CNIH3: variants seen among roughly 807,000 people sequenced by gnomAD.
The protein encoded by CNIH3 is protein cornichon homolog 3.
Under a neutral mutation model 24.1 loss-of-function variants are expected in CNIH3, and 14 were observed. The ratio of observed to expected loss-of-function variants is 0.58; its 90% CI spans 0.38 to 0.91. The LOEUF (loss-of-function observed/expected upper bound fraction) is 0.91. CNIH3 is among the 40% of genes least tolerant of loss of function. The pLI, the probability that CNIH3 is intolerant of heterozygous loss-of-function variation, is 0.00. For missense variants in CNIH3, 178 were observed against 196.8 expected (o/e 0.90, Z 0.57); for synonymous variants, 68 against 73.8 (o/e 0.92, Z 0.40).
intron 3 of CNIH3, among the ~76,000 whole-genome samples, chr1:224,688,681 C>T (rs1241113513): frequency 6.6e-6 from 1 of 152,128 alleles, no homozygotes; most frequent in East Asian, 1.9e-4. Context: ...GGCGCGGTGG[C>T]TCACATCTGT....
chr1:224,557,644 A>G (rs1680198149), intron 3 of CNIH3, among the ~76,000 whole-genome samples: 1 of 152,084 alleles, frequency 6.6e-6, no homozygotes, highest in South Asian at 2.1e-4. Flanking sequence ...TTTAGTAGAG[A>G]GGGGGTTTTG....
chr1:224,571,931 A>G (rs774743693), intron 4 of CNIH3, among the ~76,000 whole-genome samples: 28 of 152,176 alleles, frequency 1.8e-4, no homozygotes, highest in Non-Finnish European at 3.2e-4. Flanking sequence ...GCAAGCAGGC[A>G]TGAGTTCCAT....
chr1:224,488,689 A>T (rs1677127211), intron 1 of CNIH3, among the ~76,000 whole-genome samples: 1 of 152,194 alleles, frequency 6.6e-6, no homozygotes, highest in Non-Finnish European at 1.5e-5. Context: ...ACTAGTCTCA[A>T]ACACCTGGCT....
intron 1 of CNIH3, among the ~76,000 whole-genome samples, chr1:224,648,177 C>T (rs1385149426): frequency 6.6e-6 from 1 of 152,058 alleles, no homozygotes; most frequent in Non-Finnish European, 1.5e-5. Flanking sequence ...ACCAAGACCC[C>T]GAGGCGGGTG....
chr1:224,686,614 C>T (rs12118368), intron 3 of CNIH3, among the ~76,000 whole-genome samples: 7,193 of 152,268 alleles, frequency 0.047, 239 homozygotes, highest in East Asian at 0.15. Context: ...CAAGACAAAA[C>T]CAAAGTTTTG....
chr1:224,601,086 G>A (rs1682187822), intron 3 of CNIH3, among the ~76,000 whole-genome samples: 3 of 152,196 alleles, frequency 2.0e-5, no homozygotes, highest in Non-Finnish European at 2.9e-5. Flanking sequence ...GAAAGTTTTA[G>A]GACAGGAATG....
Position 224,641,863 on chromosome 1 carries a change from C to G in CNIH3, c.81+24608C>G, listed in dbSNP as rs147248148. Among the ~76,000 whole-genome samples the G allele has an allele frequency of 6.0e-3, 909 of 152,322 alleles. 15 individuals are homozygous for G. The highest frequency in any genetic ancestry group is 0.021 in the African/African-American group (857 of 41,568). On this transcript the variant is annotated intron_variant, in intron 1 of 5. Coordinates refer to ENST00000272133, the MANE Select transcript of CNIH3 (RefSeq NM_152495.2). ...AATTTTCCTGGTGCTCCCAGGCCCC[C>G]ACCTTGGAAACTCAAGTTGTATTTG...
At chr1:224,723,661 T>C (rs1688863684) in intron 3 of CNIH3, among the ~76,000 whole-genome samples, 1 of 152,248 alleles carries the variant, frequency 6.6e-6, no homozygotes, top group Non-Finnish European at 1.5e-5. Flanking sequence ...TGTCTCTTGC[T>C]TTCTCTAACT....
chr1:224,505,737 A>G (rs1184063983), intron 1 of CNIH3, among the ~76,000 whole-genome samples: 1 of 152,212 alleles, frequency 6.6e-6, no homozygotes, highest in Non-Finnish European at 1.5e-5. Context: ...TGTGCCTTTC[A>G]GTAACACTGT....
At chr1:224,696,774 G>T (rs993454343) in intron 3 of CNIH3, among the ~76,000 whole-genome samples, 1 of 44,390 alleles carries the variant, frequency 2.3e-5, no homozygotes, top group African/African-American at 4.6e-5. Context: ...GGATAAATTT[G>T]TGTGTGTGTG....
At chr1:224,573,348 A>G (rs1413547925) in intron 4 of CNIH3, among the ~76,000 whole-genome samples, 1 of 152,166 alleles carries the variant, frequency 6.6e-6, no homozygotes, top group Non-Finnish European at 1.5e-5. Flanking sequence ...TTAAAACACA[A>G]GGTGCAAGGT....
rs182365487 is a variant in CNIH3, at chr1:224,439,756, C to T, written n.203+4894C>T. Among the ~76,000 whole-genome samples the T allele has an allele frequency of 4.8e-3, 728 of 150,588 alleles. 3 individuals carry two copies. The highest frequency in any genetic ancestry group is 0.017 in the African/African-American group (699 of 40,830). On this transcript the variant is annotated intron_variant and non_coding_transcript_variant, in intron 1 of 5. Coordinates refer to the CNIH3 transcript ENST00000471578. ...CCTCCCGAGTAGCTGGGACTACAGG[C>T]GTGCACCACCATCCCCAGGTAATTT...
chr1:224,617,035 G>T lies in CNIH3; in HGVS notation c.-140G>T, dbSNP rs1683036954. 9.1e-6 allele frequency: 13 copies of T among 1,425,546 alleles called. No individual in the cohort carries two copies. The highest frequency in any genetic ancestry group is 5.0e-5 in the South Asian group (3 of 59,590). 88.3% of individuals were successfully genotyped at this position (1,425,546 alleles called of 1,614,324 possible). A position where few individuals can be genotyped will look rare whatever the true frequency, so the allele number is the denominator to read the frequency against. Reference sequence around the variant, plus strand: ...TATTCGCTGACCCTCGAGTCGCTTCGCTAGCTGTGCGCCCTCCTGGGCACT... The same window carrying T: ...TATTCGCTGACCCTCGAGTCGCTTCTCTAGCTGTGCGCCCTCCTGGGCACT... On this transcript the variant is annotated 5_prime_UTR_variant, in exon 1 of 6. Coordinates refer to ENST00000272133, the MANE Select transcript of CNIH3 (RefSeq NM_152495.2).
intron 1 of CNIH3, among the ~76,000 whole-genome samples, chr1:224,657,511 T>C (rs1685154711): frequency 6.6e-6 from 1 of 152,228 alleles, no homozygotes; most frequent in African/African-American, 2.4e-5. Context: ...AAAGAAAAAG[T>C]GTTCTTGACT....
chr1:224,466,087 G>A (rs918040376), intron 1 of CNIH3, among the ~76,000 whole-genome samples: 1 of 152,124 alleles, frequency 6.6e-6, no homozygotes, highest in African/African-American at 2.4e-5. Context: ...ACAATCCACA[G>A]GGTTTAGTCA....
chr1:224,649,971 C>A (rs533945775), intron 1 of CNIH3, among the ~76,000 whole-genome samples: 1 of 152,288 alleles, frequency 6.6e-6, no homozygotes, highest in Non-Finnish European at 1.5e-5. Flanking sequence ...TCTTAGAGGT[C>A]TTTGAAATAG....
intron 3 of CNIH3, chr1:224,717,537 C>T (rs933037252): frequency 2.0e-5 from 3 of 152,380 alleles, no homozygotes; most frequent in African/African-American, 7.2e-5. Context: ...TGATCTGCCT[C>T]CCTCCTCCTT....
intron 4 of CNIH3, among the ~76,000 whole-genome samples, chr1:224,571,799 C>T (rs1055037451): frequency 6.6e-6 from 1 of 152,076 alleles, no homozygotes; most frequent in Non-Finnish European, 1.5e-5. Flanking sequence ...GCAGGGGCAA[C>T]CAGAGGGTGG....
chr1:224,519,252 G>A (rs7541723), intron 1 of CNIH3, among the ~76,000 whole-genome samples: 34,375 of 152,122 alleles, frequency 0.23, 4,245 homozygotes, highest in African/African-American at 0.33. Flanking sequence ...CATGGCAGAA[G>A]GGCCTGAATA....
Sources: allele counts gnomAD v4.1 joint callset (sites outside exome capture counted in the v4.1 genomes callset), GRCh38; gene constraint gnomAD v4.1.1; transcripts MANE v1.5; gene names NCBI Gene and HGNC (gene_info 2026-07-23, HGNC 2026-07-21).